ROBO1: variants seen among roughly 807,000 people sequenced by gnomAD.
ROBO1 encodes the protein roundabout homolog 1.
Under a neutral mutation model 195.9 loss-of-function variants are expected in ROBO1, and 149 were observed. The ratio of observed to expected loss-of-function variants is 0.76; its 90% CI spans 0.67 to 0.87. ROBO1 has a LOEUF of 0.87. Among genes scored for constraint, ROBO1 ranks in the 40% least tolerant of loss-of-function variants. The pLI, the probability that ROBO1 is intolerant of heterozygous loss-of-function variation, is 0.00. For synonymous variants in ROBO1, 816 were observed against 733.2 expected, an observed-to-expected ratio of 1.11 and a Z score of -1.82; for missense variants, 1,933 against 2,068.3, an observed-to-expected ratio of 0.93 and a Z score of 1.27.
At chr3:79,107,592 G>C (rs1462483857) in intron 3 of ROBO1, among the ~76,000 whole-genome samples, 5 of 151,596 alleles carry the variant, frequency 3.3e-5, no homozygotes, top group Non-Finnish European at 5.9e-5. Flanking sequence ...TGGCTGAAAA[G>C]GACTGCTTGC....
intron 3 of ROBO1, among the ~76,000 whole-genome samples, chr3:79,027,185 A>G (rs535147009): frequency 6.6e-6 from 1 of 152,250 alleles, no homozygotes; most frequent in East Asian, 1.9e-4. Flanking sequence ...AAAATGGGCA[A>G]GAAGTACTAT....
intron 2 of ROBO1, among the ~76,000 whole-genome samples, chr3:79,327,979 A>C (rs1300346396): frequency 1.3e-5 from 2 of 152,312 alleles, no homozygotes; most frequent in Non-Finnish European, 2.9e-5. Flanking sequence ...ATAATGAGTA[A>C]ATTCCAGCTT....
intron 2 of ROBO1, among the ~76,000 whole-genome samples, chr3:79,571,180 T>A (rs1043484751): frequency 1.3e-4 from 20 of 152,092 alleles, no homozygotes; most frequent in African/African-American, 4.6e-4. Flanking sequence ...TTAGATCAAT[T>A]TATGAGAGGC....
chr3:78,675,456 TC>T (rs1396180395), intron 10 of ROBO1, among the ~76,000 whole-genome samples: 8 of 152,114 alleles, frequency 5.3e-5, no homozygotes, highest in African/African-American at 1.7e-4. Context: ...ATCGGGTCAC[TC>T]CCACCCTAAT....
chr3:79,104,708 C>T (rs1292691270), intron 3 of ROBO1, among the ~76,000 whole-genome samples: 3 of 151,696 alleles, frequency 2.0e-5, no homozygotes, highest in Non-Finnish European at 1.5e-5. Flanking sequence ...GACTACTTTA[C>T]TAGATTATTG....
intron 2 of ROBO1, among the ~76,000 whole-genome samples, chr3:79,273,578 AG>A (rs1439934716): frequency 1.3e-5 from 2 of 152,028 alleles, no homozygotes; most frequent in Non-Finnish European, 2.9e-5. Context: ...CTTCACAAAA[AG>A]GAAGACAGAA....
At chr3:78,637,041 T>C (rs1705561897) in intron 22 of ROBO1, among the ~76,000 whole-genome samples, 1 of 143,128 alleles carries the variant, frequency 7.0e-6, no homozygotes, top group Non-Finnish European at 1.5e-5. Flanking sequence ...AAATAGATTT[T>C]AAATAGAAAA....
chr3:79,519,522 G>A lies in ROBO1; in HGVS notation c.88+70302C>T, dbSNP rs537709342. ...CGGGCGCCTGTAGTCTCAGCTATTCGAGAGGCTGAGGCAGGAGAATGGCGT... is the reference window on the plus strand; with the variant it reads ...CGGGCGCCTGTAGTCTCAGCTATTCAAGAGGCTGAGGCAGGAGAATGGCGT... On this transcript the variant is annotated intron_variant, in intron 2 of 30. Coordinates refer to ENST00000464233, the MANE Select transcript of ROBO1 (RefSeq NM_002941.4). 3.3e-5 allele frequency among the ~76,000 whole-genome samples: 5 copies of A among 150,148 alleles called. No individual in the cohort carries two copies. The South Asian group carries it at 8.5e-4, about 25-fold the overall frequency.
chr3:78,696,726 A>ATG (rs1403346187), intron 8 of ROBO1, among the ~76,000 whole-genome samples: 1 of 147,092 alleles, frequency 6.8e-6, no homozygotes, highest in African/African-American at 2.5e-5. Context: ...GTATATATAC[A>ATG]TGTATATATA....
At chr3:79,242,512 T>C (rs1186137582) in intron 2 of ROBO1, among the ~76,000 whole-genome samples, 1 of 152,160 alleles carries the variant, frequency 6.6e-6, no homozygotes, top group Non-Finnish European at 1.5e-5. Flanking sequence ...GTTACCACTA[T>C]ATGTTGAAAT....
chr3:79,016,991 C>G (rs2077957190), intron 3 of ROBO1, among the ~76,000 whole-genome samples: 1 of 152,118 alleles, frequency 6.6e-6, no homozygotes, highest in Admixed American at 6.5e-5. Flanking sequence ...AAAAATAAGG[C>G]ATTACAGAAG....
At chr3:78,949,746 T>G (rs940942595) in intron 3 of ROBO1, among the ~76,000 whole-genome samples, 1 of 151,980 alleles carries the variant, frequency 6.6e-6, no homozygotes, top group African/African-American at 2.4e-5. Flanking sequence ...GGGAGAAAAT[T>G]TTCGCAACCT....
At chr3:78,992,647 C>T (rs1257014443) in intron 3 of ROBO1, among the ~76,000 whole-genome samples, 3 of 152,094 alleles carry the variant, frequency 2.0e-5, no homozygotes, top group East Asian at 3.9e-4. Context: ...GCTACACAAT[C>T]CCAAAGCCAC....
chr3:79,047,165 A>T (rs1161840864), intron 3 of ROBO1, among the ~76,000 whole-genome samples: 2 of 152,076 alleles, frequency 1.3e-5, no homozygotes, highest in East Asian at 3.9e-4. Flanking sequence ...CCTGTAATTG[A>T]AAACTTTAGG....
intron 8 of ROBO1, among the ~76,000 whole-genome samples, chr3:78,711,485 CTCTT>C (rs1254793869): frequency 1.6e-4 from 22 of 141,818 alleles, no homozygotes; most frequent in Non-Finnish European, 2.4e-4. Context: ...TTCTCTCTCT[CTCTT>C]TCTTTCTTTT....
At chr3:78,862,241 G>A (rs916549978) in intron 4 of ROBO1, among the ~76,000 whole-genome samples, 2 of 152,070 alleles carry the variant, frequency 1.3e-5, no homozygotes, top group African/African-American at 4.8e-5. Flanking sequence ...AAGCCACCTG[G>A]AAAGCAAGAG....
At chr3:79,206,627 T>C (rs886523498) in intron 2 of ROBO1, among the ~76,000 whole-genome samples, 9 of 152,136 alleles carry the variant, frequency 5.9e-5, no homozygotes, top group African/African-American at 1.9e-4. Context: ...TCAGATGGTG[T>C]TCCCTGTTGC....
At chr3:79,296,977 G>A (rs1374892208) in intron 2 of ROBO1, among the ~76,000 whole-genome samples, 3 of 152,124 alleles carry the variant, frequency 2.0e-5, no homozygotes, top group Non-Finnish European at 4.4e-5. Context: ...AAAATGTTGT[G>A]TTACAATTTT....
At chr3:79,664,255 C>G (rs1170188224) in intron 1 of ROBO1, among the ~76,000 whole-genome samples, 1 of 151,902 alleles carries the variant, frequency 6.6e-6, no homozygotes, top group African/African-American at 2.4e-5. Context: ...TTCCAAGGAC[C>G]TGAATAATCT....
Sources: allele counts gnomAD v4.1 joint callset (sites outside exome capture counted in the v4.1 genomes callset), GRCh38; gene constraint gnomAD v4.1.1; transcripts MANE v1.5; gene names NCBI Gene and HGNC (gene_info 2026-07-23, HGNC 2026-07-21).